PCDH11X: variants seen among roughly 807,000 people sequenced by gnomAD.
The protein encoded by PCDH11X is protocadherin 11 X-linked, also known as protocadherin-11 X-linked.
A neutral mutation model predicts 53.3 loss-of-function variants in PCDH11X; 18 were observed. The ratio of observed to expected loss-of-function variants is 0.34; its 90% confidence interval spans 0.23 to 0.50. The LOEUF is 0.50. Among genes scored for constraint, PCDH11X ranks in the 20% least tolerant of loss-of-function variants. The pLI is 0.98. For missense variants in PCDH11X, 570 were observed against 1,032.4 expected (o/e 0.55, Z 6.14); for synonymous variants, 279 against 393.3 (o/e 0.71, Z 3.44).
chrX:91,918,592 T>C (rs1337767128), intron 6 of PCDH11X, among the ~76,000 whole-genome samples: 1 of 110,863 alleles, frequency 9.0e-6, no homozygotes, highest in Non-Finnish European at 1.9e-5. Flanking sequence ...TGAGAGACAG[T>C]GTACTTGATC....
chrX:92,238,543 G>T (rs747406172), intron 7 of PCDH11X, among the ~76,000 whole-genome samples: 1 of 110,862 alleles, frequency 9.0e-6, no homozygotes, highest in South Asian at 3.8e-4. Flanking sequence ...GGTTAAATGA[G>T]ATAATATAGG....
intron 6 of PCDH11X, among the ~76,000 whole-genome samples, chrX:92,038,481 G>C (rs140511860): frequency 0.02 from 2,265 of 111,919 alleles, 58 homozygotes; most frequent in African/African-American, 0.07. Context: ...CAATTGCACA[G>C]AAGTCAAGAA....
intron 6 of PCDH11X, chrX:91,883,962 G>C: frequency 2.9e-6 from 2 of 680,546 alleles, no homozygotes; most frequent in Non-Finnish European, 3.5e-6. Flanking sequence ...GGCCGAGGTG[G>C]GTGGATCACC....
chrX:92,201,240 A>G, intron 6 of PCDH11X, 135 bp from the exon 7 acceptor site: 1 of 856,821 alleles, frequency 1.2e-6, no homozygotes, highest in Non-Finnish European at 1.6e-6. Flanking sequence ...ACATAAATAA[A>G]CTATGATGTC....
intron 8 of PCDH11X, among the ~76,000 whole-genome samples, chrX:92,354,164 A>G (rs2070132134): frequency 9.6e-6 from 1 of 104,313 alleles, no homozygotes; most frequent in African/African-American, 3.5e-5. Context: ...TAAAGAAGAC[A>G]TGTGAAGTGT....
At chrX:91,955,723 G>T (rs987291531) in intron 6 of PCDH11X, among the ~76,000 whole-genome samples, 4 of 112,189 alleles carry the variant, frequency 3.6e-5, no homozygotes, top group African/African-American at 1.3e-4. Flanking sequence ...GCAACGAGAA[G>T]AATGTATATT....
rs771032916 is a variant in PCDH11X at position 92,118,584 on chromosome X, C to G, written c.3034-82791C>G. On this transcript the variant is annotated intron_variant, in intron 6 of 10. Coordinates refer to ENST00000682573, the MANE Select transcript of PCDH11X (RefSeq NM_032968.5). ...CTGACTGGCTTACCCTCACAGCCCT[C>G]CCTCACATATGCTTTAGAGTATAAA... Among the ~76,000 whole-genome samples, 7 of 110,108 alleles carry G rather than the reference C, an allele frequency of 6.4e-5. 1 individual carries two copies. The South Asian group carries it at 2.7e-3, about 43-fold the overall frequency.
At chrX:92,291,721 A>G (rs1396164961) in intron 8 of PCDH11X, among the ~76,000 whole-genome samples, 2 of 108,090 alleles carry the variant, frequency 1.9e-5, no homozygotes, top group Non-Finnish European at 3.8e-5. Flanking sequence ...GAAATGAAAC[A>G]GAGTGTTTAT....
At chrX:92,238,225 A>G (rs2067204861) in intron 7 of PCDH11X, among the ~76,000 whole-genome samples, 1 of 111,838 alleles carries the variant, frequency 8.9e-6, no homozygotes, top group African/African-American at 3.2e-5. Context: ...CTTGGGGATT[A>G]TAAGACTAAA....
At chrX:92,128,838 ATAG>A (rs1358249651) in intron 6 of PCDH11X, among the ~76,000 whole-genome samples, 1 of 110,969 alleles carries the variant, frequency 9.0e-6, no homozygotes, top group Non-Finnish European at 1.9e-5. Context: ...TTTCCTATTA[ATAG>A]AAGAGGTTTT....
chrX:92,138,398 G>A (rs2117846), intron 6 of PCDH11X, among the ~76,000 whole-genome samples: 26 of 109,562 alleles, frequency 2.4e-4, no homozygotes, highest in East Asian at 8.6e-4. Context: ...ATCTATTTTC[G>A]TTATTATTTT....
intron 4 of PCDH11X, among the ~76,000 whole-genome samples, chrX:91,834,180 T>C (rs1359951729): frequency 9.0e-6 from 1 of 111,259 alleles, no homozygotes; most frequent in Non-Finnish European, 1.9e-5. Context: ...CATTAGAATG[T>C]TTAATTATAC....
At chrX:91,868,393 C>G (rs1372886699) in intron 5 of PCDH11X, among the ~76,000 whole-genome samples, 1 of 111,420 alleles carries the variant, frequency 9.0e-6, no homozygotes, top group Non-Finnish European at 1.9e-5. Context: ...GAAGAAATGG[C>G]CTTCTCATGT....
chrX:92,158,134 T>C (rs1313568020), intron 6 of PCDH11X, among the ~76,000 whole-genome samples: 2 of 111,602 alleles, frequency 1.8e-5, no homozygotes, highest in Non-Finnish European at 3.8e-5. Flanking sequence ...GAGAATTGCC[T>C]GAACTGGGGA....
chrX:92,128,822 C>T (rs2064919238), intron 6 of PCDH11X, among the ~76,000 whole-genome samples: 1 of 110,320 alleles, frequency 9.1e-6, no homozygotes, highest in African/African-American at 3.3e-5. Context: ...TTTTCTATTA[C>T]AATAATTTCC....
At chrX:92,569,465 T>C (rs1921923320) in intron 10 of PCDH11X, among the ~76,000 whole-genome samples, 1 of 108,277 alleles carries the variant, frequency 9.2e-6, no homozygotes, top group Admixed American at 1.0e-4. Flanking sequence ...TCAGATAAAA[T>C]TGTAGAAAAT....
intron 8 of PCDH11X, among the ~76,000 whole-genome samples, chrX:92,333,888 A>G (rs1396670398): frequency 9.6e-6 from 1 of 103,967 alleles, no homozygotes; most frequent in African/African-American, 3.5e-5. Context: ...GTTGGGATCT[A>G]CTTTAACTTT....
chrX:92,488,094 C>T (rs2073683393), intron 10 of PCDH11X, among the ~76,000 whole-genome samples: 1 of 110,919 alleles, frequency 9.0e-6, no homozygotes, highest in South Asian at 3.8e-4. Flanking sequence ...TGCCACCACT[C>T]CTGGACTTGG....
At chrX:91,886,021 G>T (rs915765622) in intron 6 of PCDH11X, among the ~76,000 whole-genome samples, 17 of 111,264 alleles carry the variant, frequency 1.5e-4, no homozygotes, top group Non-Finnish European at 3.0e-4. Context: ...TTGTTTGAGA[G>T]AATATTATCT....
Sources: allele counts gnomAD v4.1 joint callset (sites outside exome capture counted in the v4.1 genomes callset), GRCh38; gene constraint gnomAD v4.1.1; transcripts MANE v1.5; gene names NCBI Gene and HGNC (gene_info 2026-07-23, HGNC 2026-07-21).